LMNB1: variants seen among roughly 807,000 people sequenced by gnomAD.
The protein encoded by LMNB1 is lamin-B1.
A neutral mutation model predicts 67.1 loss-of-function variants in LMNB1; 23 were observed. The observed-to-expected ratio is 0.34, with a 90% CI of 0.25 to 0.49. The LOEUF is 0.49. LMNB1 is among the 20% of genes least tolerant of loss of function. The probability of loss-of-function intolerance (pLI) is 0.99; values close to 1 mark genes in which losing one functional copy is unlikely to be tolerated. For synonymous variants in LMNB1, 281 were observed against 282.9 expected (o/e 0.99, Z 0.07); for missense variants, 634 against 746.5 (o/e 0.85, Z 1.76).
chr5:126,790,372 C>T (rs891065928), intron 1 of LMNB1, among the ~76,000 whole-genome samples: 1 of 152,100 alleles, frequency 6.6e-6, no homozygotes, highest in Non-Finnish European at 1.5e-5. Context: ...TCCCAAAGTG[C>T]TGGGATTACA....
intron 1 of LMNB1, among the ~76,000 whole-genome samples, chr5:126,795,427 C>T (rs917186687): frequency 1.8e-4 from 27 of 151,788 alleles, no homozygotes; most frequent in Admixed American, 3.3e-4. Flanking sequence ...CATGAACCAC[C>T]GGGCCTGGCC....
At chr5:126,800,982 A>ATATATTATTTTTTT in intron 1 of LMNB1, among the ~76,000 whole-genome samples, 1 of 18,632 alleles carries the variant, frequency 5.4e-5, no homozygotes, top group Non-Finnish European at 1.0e-4. Flanking sequence ...TATATATATA[A>ATATATTATTTTTTT]TTTTTTTTTT....
At chr5:126,778,290 G>A (rs1423498123) in intron 1 of LMNB1, among the ~76,000 whole-genome samples, 3 of 152,108 alleles carry the variant, frequency 2.0e-5, no homozygotes, top group Non-Finnish European at 1.5e-5. Context: ...GAGACAAAGC[G>A]TCTAGCGGAT....
rs748388376 is a variant in LMNB1 at position 126,821,110 on chromosome 5, T to C, written c.1361T>C (p.Ile454Thr). The C allele has an allele frequency of 2.0e-5, 32 of 1,613,480 alleles. No homozygotes were observed. The highest frequency in any genetic ancestry group is 2.6e-5 in the Non-Finnish European group (31 of 1,179,656). The change falls in exon 7 of 11, where the codon ATC (isoleucine) becomes ACC (threonine). Residue 454 changes from isoleucine to threonine, a missense_variant. Physicochemically the swap from Ile to Thr is moderately conservative, Grantham distance 89. Coordinates refer to ENST00000261366, the MANE Select transcript of LMNB1 (RefSeq NM_005573.4). ...GAAATTGATGTTGATGGGAAATTTA[T>C]CCGCTTGAAGAACACTTCTGAACAG... ...IEEIDVDGKF[I>T]RLKNTSEQDQ... is the part of the protein sequence containing the mutation.
At chr5:126,820,335 C>T (rs1037570973) in intron 6 of LMNB1, among the ~76,000 whole-genome samples, 16 of 151,990 alleles carry the variant, frequency 1.1e-4, no homozygotes, top group Non-Finnish European at 1.8e-4. Context: ...ACCCATTTAC[C>T]AGACTTCTTG....
At chr5:126,800,813 T>C (rs1436616183) in intron 1 of LMNB1, among the ~76,000 whole-genome samples, 2 of 147,906 alleles carry the variant, frequency 1.4e-5, no homozygotes, top group African/African-American at 5.0e-5. Context: ...CCATCACGCC[T>C]GGCTAATTTT....
intron 1 of LMNB1, among the ~76,000 whole-genome samples, chr5:126,796,554 G>A (rs1021195419): frequency 1.3e-5 from 2 of 152,200 alleles, no homozygotes; most frequent in African/African-American, 2.4e-5. Flanking sequence ...GCTGGTGGTA[G>A]AAGGTGCTTA....
intron 10 of LMNB1, among the ~76,000 whole-genome samples, chr5:126,833,963 A>C (rs769570189): frequency 2.0e-5 from 3 of 152,204 alleles, no homozygotes; most frequent in Non-Finnish European, 2.9e-5. Flanking sequence ...TAGTGGCTTA[A>C]AACAGTGATT....
chr5:126,836,063 G>GA (rs1246102435), intron 10 of LMNB1, among the ~76,000 whole-genome samples, 160 bp from the exon 11 acceptor site: 1 of 151,822 alleles, frequency 6.6e-6, no homozygotes, highest in Non-Finnish European at 1.5e-5. Context: ...CAAAGAAAAA[G>GA]AAAAAAAGAA....
At chr5:126,799,580 T>C (rs1011073967) in intron 1 of LMNB1, among the ~76,000 whole-genome samples, 3 of 152,166 alleles carry the variant, frequency 2.0e-5, no homozygotes, top group African/African-American at 7.2e-5. Flanking sequence ...CCCTGAGCAG[T>C]AAAGGTACTG....
chr5:126,818,485 A>C (rs1387688676), intron 5 of LMNB1, among the ~76,000 whole-genome samples: 1 of 152,046 alleles, frequency 6.6e-6, no homozygotes, highest in East Asian at 1.9e-4. Context: ...CAGGTGATCC[A>C]CCTGCCCCGG....
At chr5:126,819,235 CT>C in intron 6 of LMNB1, 93 bp downstream of exon 6, 1 of 809,374 alleles carries the variant, frequency 1.2e-6, no homozygotes, top group Non-Finnish European at 2.0e-6. Flanking sequence ...TTAAAAAGAA[CT>C]TTATTTTCTT....
At chr5:126,820,508 T>C (rs1751837032) in intron 6 of LMNB1, among the ~76,000 whole-genome samples, 1 of 152,162 alleles carries the variant, frequency 6.6e-6, no homozygotes, top group African/African-American at 2.4e-5. Flanking sequence ...TAGAAATGCA[T>C]GGGTGGGATA....
At chr5:126,810,496 T>G (rs1751555944) in intron 4 of LMNB1, 146 bp downstream of exon 4, 1 of 628,464 alleles carries the variant, frequency 1.6e-6, no homozygotes, top group Non-Finnish European at 2.5e-6. Flanking sequence ...ATTGATTTTT[T>G]CAAAAAAGTG....
At chr5:126,800,297 T>C (rs1751238078) in intron 1 of LMNB1, among the ~76,000 whole-genome samples, 1 of 152,174 alleles carries the variant, frequency 6.6e-6, no homozygotes, top group Non-Finnish European at 1.5e-5. Context: ...CACCAAGTGC[T>C]GTGGAGCCCA....
In LMNB1 at chr5:126,821,147, G is replaced by A. The variant is rs1452970970; in HGVS notation, c.1386+12G>A. 6.4e-7 allele frequency: 1 copy of A among 1,566,834 alleles called. No homozygotes were observed. The highest frequency in any genetic ancestry group is 1.7e-5 in the Admixed American group (1 of 59,920). ...ACACTTCTGAACAGGTAATAAAATA[G>A]ACCCTTTTTTTTCTAGCAAGGCTTT... is the stretch of plus-strand genomic sequence containing the variant. On this transcript the variant is annotated intron_variant, in intron 7 of 10. Coordinates refer to ENST00000261366, the MANE Select transcript of LMNB1 (RefSeq NM_005573.4).
chr5:126,777,308 C>G lies in LMNB1; in HGVS notation c.-201C>G, dbSNP rs1302015491. On this transcript the variant is annotated 5_prime_UTR_variant, in exon 1 of 11. Transcript: ENST00000261366. ...GCGATCGATCGATTGATTCGTAGTT[C>G]CCCCCCGCGCGCCTTTGCCCTTTGT... The G allele has an allele frequency of 4.9e-6, 2 of 405,798 alleles. No homozygotes were observed. Among genetic ancestry groups the G allele is most frequent in the Non-Finnish European group, 4.2e-6 (1 of 239,750 alleles). The allele number at this position is 405,798 out of a possible 1,614,324, so 25.1% of individuals were successfully genotyped here.
At chr5:126,787,437 A>ATATGTATATGTTATATATAACATATACTT (rs71223029) in intron 1 of LMNB1, among the ~76,000 whole-genome samples, 17,820 of 138,152 alleles carry the variant, frequency 0.13, 1,476 homozygotes, top group East Asian at 0.25. Flanking sequence ...TATACATCTT[A>ATATGTATATGTTATATATAACATATACTT]TATGTATATG....
At chr5:126,824,231 AAT>A (rs1443440554) in intron 8 of LMNB1, among the ~76,000 whole-genome samples, 1 of 152,254 alleles carries the variant, frequency 6.6e-6, no homozygotes, top group Non-Finnish European at 1.5e-5. Context: ...CTAGAATAGA[AAT>A]ATGAGAACCA....
Sources: allele counts gnomAD v4.1 joint callset (sites outside exome capture counted in the v4.1 genomes callset), GRCh38; gene constraint gnomAD v4.1.1; transcripts MANE v1.5; gene names NCBI Gene and HGNC (gene_info 2026-07-23, HGNC 2026-07-21).